SLC24A2: variants seen among roughly 807,000 people sequenced by gnomAD.
SLC24A2 encodes the protein solute carrier family 24 member 2.
A neutral mutation model predicts 62.0 loss-of-function variants in SLC24A2; 36 were observed. That is an observed-to-expected ratio of 0.58 (90% CI 0.44 to 0.77). The LOEUF (loss-of-function observed/expected upper bound fraction) is 0.77. Among genes scored for constraint, SLC24A2 ranks in the 30% least tolerant of loss-of-function variants. The probability of loss-of-function intolerance (pLI) is 0.00; values close to 1 mark genes in which losing one functional copy is unlikely to be tolerated. For missense variants in SLC24A2, 846 were observed against 817.9 expected (o/e 1.03, Z -0.42); for synonymous variants, 358 against 294.0 (o/e 1.22, Z -2.23).
At chr9:19,812,899 G>A in the SLC24A2 span, among the ~76,000 whole-genome samples, 7 of 152,100 alleles carry the variant, frequency 4.6e-5, no homozygotes, top group African/African-American at 1.4e-4. Flanking sequence ...ATCCCTCCAG[G>A]GCTTTCAACG....
chr9:20,024,453 C>G, the SLC24A2 span, among the ~76,000 whole-genome samples: 1 of 152,196 alleles, frequency 6.6e-6, no homozygotes, highest in African/African-American at 2.4e-5. Flanking sequence ...CTTTGGCCTT[C>G]AGCAAGTAGG....
At chr9:19,626,241 C>G (rs1818031846) in intron 2 of SLC24A2, among the ~76,000 whole-genome samples, 1 of 152,170 alleles carries the variant, frequency 6.6e-6, no homozygotes, top group African/African-American at 2.4e-5. Context: ...GGCCCCTAGT[C>G]CCACCTCACA....
At chr9:19,544,833 A>T (rs1834468543) in intron 8 of SLC24A2, among the ~76,000 whole-genome samples, 2 of 152,100 alleles carry the variant, frequency 1.3e-5, no homozygotes, top group South Asian at 4.1e-4. Context: ...GGGTAACCTG[A>T]CCTTTCTCTC....
At chr9:20,167,952 C>T in the SLC24A2 span, among the ~76,000 whole-genome samples, 2 of 151,678 alleles carry the variant, frequency 1.3e-5, no homozygotes, top group South Asian at 4.2e-4. Flanking sequence ...TGCTGTTGTG[C>T]TGTACCTGTC....
the SLC24A2 span, among the ~76,000 whole-genome samples, chr9:20,233,445 T>C: frequency 6.6e-6 from 1 of 152,228 alleles, no homozygotes; most frequent in Non-Finnish European, 1.5e-5. Flanking sequence ...GATAGTTAGC[T>C]CTTCTTGTTT....
the SLC24A2 span, among the ~76,000 whole-genome samples, chr9:19,839,218 G>A: frequency 6.4e-3 from 968 of 152,248 alleles, 12 homozygotes; most frequent in African/African-American, 0.022. Context: ...TTAGAATGGC[G>A]ATCATTAAAA....
At chr9:19,577,835 A>G (rs1836072765) in intron 5 of SLC24A2, among the ~76,000 whole-genome samples, 1 of 148,386 alleles carries the variant, frequency 6.7e-6, no homozygotes, top group African/African-American at 2.4e-5. Flanking sequence ...TATATATTAT[A>G]TATAGTTATA....
chr9:19,719,263 C>T (rs921251747), intron 2 of SLC24A2, among the ~76,000 whole-genome samples: 1 of 152,162 alleles, frequency 6.6e-6, no homozygotes, highest in African/African-American at 2.4e-5. Flanking sequence ...GGACTTATTA[C>T]AACACTCTTG....
At chr9:20,137,449 G>T in the SLC24A2 span, among the ~76,000 whole-genome samples, 3 of 152,046 alleles carry the variant, frequency 2.0e-5, no homozygotes, top group South Asian at 6.2e-4. Context: ...TGAAAAAGAG[G>T]GCTTACATCT....
intron 2 of SLC24A2, among the ~76,000 whole-genome samples, chr9:19,730,702 T>C (rs1045975462): frequency 1.3e-5 from 2 of 152,306 alleles, no homozygotes; most frequent in African/African-American, 4.8e-5. Context: ...CATCCCTTTA[T>C]TGCCTGAATT....
chr9:20,280,755 T>C, the SLC24A2 span, among the ~76,000 whole-genome samples: 7 of 152,112 alleles, frequency 4.6e-5, no homozygotes, highest in Non-Finnish European at 1.5e-5. Flanking sequence ...GATCTCAAGA[T>C]GAGATCACCC....
the SLC24A2 span, among the ~76,000 whole-genome samples, chr9:19,991,961 A>T: frequency 6.6e-6 from 1 of 152,208 alleles, no homozygotes; most frequent in African/African-American, 2.4e-5. Context: ...TGGATGAGGG[A>T]AAAGGAGAAG....
At chr9:20,078,761 T>C in the SLC24A2 span, among the ~76,000 whole-genome samples, 1 of 152,202 alleles carries the variant, frequency 6.6e-6, no homozygotes, top group East Asian at 1.9e-4. Context: ...GAATCTTTCC[T>C]CCAAAAGAAT....
At chr9:19,783,215 T>C (rs1165599038) in intron 2 of SLC24A2, among the ~76,000 whole-genome samples, 1 of 152,116 alleles carries the variant, frequency 6.6e-6, no homozygotes. Flanking sequence ...CCCAGCAGAG[T>C]TGACTTTTTT....
At chr9:20,183,249 T>G in the SLC24A2 span, among the ~76,000 whole-genome samples, 1 of 151,872 alleles carries the variant, frequency 6.6e-6, no homozygotes. Flanking sequence ...CCTCAGGGAG[T>G]GTTTGGCACA....
At chr9:19,540,689 G>C (rs1197642667) in intron 8 of SLC24A2, among the ~76,000 whole-genome samples, 1 of 146,396 alleles carries the variant, frequency 6.8e-6, no homozygotes, top group African/African-American at 2.6e-5. Context: ...GTGTCTTGGA[G>C]TTGCTCTTCT....
the SLC24A2 span, among the ~76,000 whole-genome samples, chr9:19,897,556 T>C: frequency 1.3e-5 from 2 of 152,158 alleles, no homozygotes; most frequent in Non-Finnish European, 2.9e-5. Context: ...TGAAAGTCCA[T>C]ATAAAACAAC....
chr9:19,813,802 A>G, the SLC24A2 span, among the ~76,000 whole-genome samples: 4 of 152,108 alleles, frequency 2.6e-5, no homozygotes, highest in Non-Finnish European at 5.9e-5. Flanking sequence ...AAGAGACCAT[A>G]AAGAGCTAGC....
At chr9:19,822,704 C>T in the SLC24A2 span, among the ~76,000 whole-genome samples, 2 of 151,996 alleles carry the variant, frequency 1.3e-5, no homozygotes, top group African/African-American at 4.8e-5. Flanking sequence ...ATTGCATAGG[C>T]TAATGGAAAA....
Sources: allele counts gnomAD v4.1 joint callset (sites outside exome capture counted in the v4.1 genomes callset), GRCh38; gene constraint gnomAD v4.1.1; transcripts MANE v1.5; gene names NCBI Gene and HGNC (gene_info 2026-07-23, HGNC 2026-07-21).